The following SPMIP2 variants were observed in gnomAD, a reference collection of about 807,000 sequenced individuals.
SPMIP2 encodes the protein sperm microtubule inner protein 2.
At chr4:159,022,814 G>A in the SPMIP2 span, among the ~76,000 whole-genome samples, 17 of 151,958 alleles carry the variant, frequency 1.1e-4, no homozygotes, top group African/African-American at 3.9e-4. Flanking sequence ...GGTGGATCAC[G>A]AGGTTAGGAG....
the SPMIP2 span, among the ~76,000 whole-genome samples, chr4:159,026,970 G>C: frequency 6.6e-6 from 1 of 151,130 alleles, no homozygotes; most frequent in South Asian, 2.1e-4. Context: ...TAAGGGGTTG[G>C]TTCAGGTGCT....
the SPMIP2 span, among the ~76,000 whole-genome samples, chr4:158,991,986 G>A: frequency 6.6e-6 from 1 of 152,062 alleles, no homozygotes; most frequent in East Asian, 1.9e-4. Flanking sequence ...TGACCACCTG[G>A]GCTCCAGGGA....
the SPMIP2 span, among the ~76,000 whole-genome samples, chr4:159,032,672 AC>A: frequency 2.0e-5 from 3 of 152,184 alleles, no homozygotes; most frequent in African/African-American, 7.2e-5. Context: ...GAAAATTAAA[AC>A]TTTAAAAGGC....
At chr4:159,030,106 A>G in the SPMIP2 span, among the ~76,000 whole-genome samples, 1 of 152,214 alleles carries the variant, frequency 6.6e-6, no homozygotes, top group Non-Finnish European at 1.5e-5. Context: ...CTGTAGTTAT[A>G]AATGACAAAT....
At chr4:158,909,939 G>C in the SPMIP2 span, among the ~76,000 whole-genome samples, 2 of 152,166 alleles carry the variant, frequency 1.3e-5, no homozygotes, top group Admixed American at 1.3e-4. Context: ...CTACTCAGGA[G>C]GCTGAGGCAG....
the SPMIP2 span, among the ~76,000 whole-genome samples, chr4:158,938,196 C>T: frequency 1.3e-5 from 2 of 152,200 alleles, no homozygotes; most frequent in East Asian, 1.9e-4. Flanking sequence ...GCACAAGAGA[C>T]GTCATCCCAA....
the SPMIP2 span, among the ~76,000 whole-genome samples, chr4:158,932,348 C>A: frequency 6.6e-6 from 1 of 152,086 alleles, no homozygotes; most frequent in Non-Finnish European, 1.5e-5. Flanking sequence ...AACCTGTAAT[C>A]CCAGCTACTT....
At chr4:158,957,930 G>A in the SPMIP2 span, among the ~76,000 whole-genome samples, 3 of 152,176 alleles carry the variant, frequency 2.0e-5, no homozygotes, top group African/African-American at 7.2e-5. Flanking sequence ...TTGATTTGTT[G>A]CCATAAGCAT....
At chr4:158,972,218 C>T in the SPMIP2 span, among the ~76,000 whole-genome samples, 6 of 152,106 alleles carry the variant, frequency 3.9e-5, no homozygotes, top group East Asian at 1.9e-4. Flanking sequence ...AAAAATTAGC[C>T]GGGCCTGATG....
the SPMIP2 span, among the ~76,000 whole-genome samples, chr4:158,968,418 A>G: frequency 0.01 from 1,598 of 152,342 alleles, 17 homozygotes; most frequent in Middle Eastern, 0.048. Flanking sequence ...GGAACCATGA[A>G]GAAAGGGATG....
the SPMIP2 span, among the ~76,000 whole-genome samples, chr4:158,958,285 C>T: frequency 2.0e-5 from 3 of 152,194 alleles, no homozygotes; most frequent in African/African-American, 7.2e-5. Flanking sequence ...GCACAGCCAC[C>T]ATGTCCTGTT....
chr4:158,924,438 G>A, the SPMIP2 span, among the ~76,000 whole-genome samples: 1 of 152,170 alleles, frequency 6.6e-6, no homozygotes, highest in Non-Finnish European at 1.5e-5. Context: ...GGAGTGCAAT[G>A]GTGCAATCTC....
the SPMIP2 span, among the ~76,000 whole-genome samples, chr4:158,996,454 A>C: frequency 6.6e-6 from 1 of 152,254 alleles, no homozygotes; most frequent in African/African-American, 2.4e-5. Context: ...GATAGTCTCT[A>C]GATATTTCAT....
the SPMIP2 span, among the ~76,000 whole-genome samples, chr4:158,937,981 A>C: frequency 2.0e-5 from 3 of 152,222 alleles, no homozygotes; most frequent in Non-Finnish European, 4.4e-5. Context: ...AAGACAGCAA[A>C]AATGTTTATG....
the SPMIP2 span, among the ~76,000 whole-genome samples, chr4:158,896,181 C>G: frequency 6.6e-6 from 1 of 152,272 alleles, no homozygotes; most frequent in East Asian, 1.9e-4. Flanking sequence ...GAATAAGATG[C>G]TGAAGTCACA....
the SPMIP2 span, among the ~76,000 whole-genome samples, chr4:158,927,030 G>A: frequency 6.6e-6 from 1 of 152,006 alleles, no homozygotes; most frequent in Non-Finnish European, 1.5e-5. Context: ...ATGTGAGTGG[G>A]GTATTTAATT....
the SPMIP2 span, among the ~76,000 whole-genome samples, chr4:159,029,488 A>C: frequency 1.3e-5 from 2 of 152,354 alleles, no homozygotes; most frequent in South Asian, 4.1e-4. Flanking sequence ...ATCCACCGAT[A>C]GTTTTTTCAA....
At chr4:159,001,177 G>C in the SPMIP2 span, among the ~76,000 whole-genome samples, 16 of 152,108 alleles carry the variant, frequency 1.1e-4, no homozygotes, top group Admixed American at 1.0e-3. Flanking sequence ...CTTCTTAATT[G>C]GTGCATTCTA....
chr4:158,976,942 G>A, the SPMIP2 span, among the ~76,000 whole-genome samples: 108 of 152,196 alleles, frequency 7.1e-4, no homozygotes, highest in African/African-American at 2.1e-3. Flanking sequence ...TTACAGGCAT[G>A]AGCCACCGCA....
Sources: gnomAD v4.1 joint callset for allele counts (sites outside exome capture counted in the v4.1 genomes callset) on GRCh38, gnomAD v4.1.1 for gene constraint, MANE v1.5 for transcripts, NCBI Gene and HGNC (gene_info 2026-07-23, HGNC 2026-07-21) for gene names.